ACTN1: variants seen among roughly 807,000 people sequenced by gnomAD.
The protein encoded by ACTN1 is alpha-actinin-1.
A neutral mutation model predicts 119.6 loss-of-function variants in ACTN1; 30 were observed. The observed-to-expected ratio is 0.25, with a 90% CI of 0.19 to 0.34. ACTN1 has a LOEUF of 0.34. Ranked by LOEUF, ACTN1 falls within the 10% of genes least tolerant of loss-of-function variation. ACTN1 has a pLI of 1.00. For missense variants in ACTN1, 764 were observed against 1,223.4 expected (o/e 0.62, Z 5.60); for synonymous variants, 429 against 472.6 (o/e 0.91, Z 1.20).
chr14:68,965,984 C>T (rs1018482223), intron 1 of ACTN1, among the ~76,000 whole-genome samples: 2 of 152,034 alleles, frequency 1.3e-5, no homozygotes, highest in African/African-American at 2.4e-5. Flanking sequence ...TTTGGGAGGC[C>T]GAGGCAGGAG....
chr14:68,939,119 A>T (rs772477642), intron 1 of ACTN1, among the ~76,000 whole-genome samples: 68 of 152,332 alleles, frequency 4.5e-4, no homozygotes, highest in Non-Finnish European at 8.8e-4. Flanking sequence ...AAGGCCCCCC[A>T]GAAGGCAGAC....
At chr14:68,913,223 A>G (rs2140307254) in intron 3 of ACTN1, among the ~76,000 whole-genome samples, 1 of 152,330 alleles carries the variant, frequency 6.6e-6, no homozygotes, top group African/African-American at 2.4e-5. Context: ...TACAACATAA[A>G]TAAGCCCTAT....
At position 68,925,832 on chromosome 14, in the gene ACTN1, G is replaced by C. The variant is rs1434662430; in HGVS notation, c.106-160C>G. ...TGGTCTCATTCACTGCATCAACCAA[G>C]CACTGAGCTACCCACAGGGCAGCAG... On this transcript the variant is annotated intron_variant, in intron 1 of 21. Coordinates refer to ENST00000394419, the MANE Select transcript of ACTN1 (RefSeq NM_001130004.2). The surrounding 1 kb of genome is among the most constrained non-coding windows in gnomAD (Gnocchi z 4.3). 6.6e-6 allele frequency among the ~76,000 whole-genome samples: 1 copy of C among 152,150 alleles called. No individual in the cohort carries two copies. Among genetic ancestry groups the C allele is most frequent in the Admixed American group, 6.5e-5 (1 of 15,274 alleles).
chr14:68,978,411 C>G (rs979798882), intron 1 of ACTN1: 17 of 350,450 alleles, frequency 4.9e-5, no homozygotes, highest in African/African-American at 3.5e-4. Flanking sequence ...CAGGCAGATC[C>G]GGAGGCGGCC....
intron 21 of ACTN1, 31 bp from the exon 22 acceptor site, chr14:68,875,048 A>G: frequency 3.1e-6 from 5 of 1,608,762 alleles, no homozygotes; most frequent in Admixed American, 1.7e-5. Flanking sequence ...GGAAGGCCGC[A>G]AAGTCCAGCA....
intron 1 of ACTN1, among the ~76,000 whole-genome samples, chr14:68,957,906 C>T (rs1350976406): frequency 6.6e-6 from 1 of 152,142 alleles, no homozygotes; most frequent in Non-Finnish European, 1.5e-5. Flanking sequence ...TATGATCGCT[C>T]GCACTTCCCT....
chr14:68,915,229 C>A (rs558446002), intron 3 of ACTN1, among the ~76,000 whole-genome samples: 8 of 152,096 alleles, frequency 5.3e-5, no homozygotes, highest in African/African-American at 1.9e-4. Flanking sequence ...GCCGCCTGGG[C>A]CTCTTGTTCC....
chr14:68,892,471 A>AC (rs962292963), intron 9 of ACTN1, among the ~76,000 whole-genome samples, 188 bp from the exon 10 acceptor site: 22 of 152,242 alleles, frequency 1.4e-4, no homozygotes, highest in African/African-American at 4.6e-4. Flanking sequence ...TCTGAGAACC[A>AC]CAGGCTTCGT....
At chr14:68,892,016 T>A (rs751599676) in intron 10 of ACTN1, 37 bp downstream of exon 10, 12 of 1,607,316 alleles carry the variant, frequency 7.5e-6, no homozygotes, top group Non-Finnish European at 1.0e-5. Flanking sequence ...GTGGAGGCAG[T>A]CCAGTCTGGG....
chr14:68,908,093 G>A (rs1315342546), intron 6 of ACTN1, among the ~76,000 whole-genome samples: 2 of 144,180 alleles, frequency 1.4e-5, no homozygotes, highest in South Asian at 4.4e-4. Context: ...CGAAGGGCTG[G>A]CCCCTGCTGT....
chr14:68,886,387 A>G (rs1243735127), intron 11 of ACTN1: 2 of 152,180 alleles, frequency 1.3e-5, no homozygotes, highest in Non-Finnish European at 2.9e-5. Flanking sequence ...GTAATATATA[A>G]AGCTTAGGAA....
intron 16 of ACTN1, 96 bp from the exon 17 acceptor site, chr14:68,881,085 A>C: frequency 8.1e-7 from 1 of 1,241,980 alleles, no homozygotes; most frequent in Non-Finnish European, 1.1e-6. Flanking sequence ...AAGCCCTCAA[A>C]TGATTCTCAG....
intron 4 of ACTN1, among the ~76,000 whole-genome samples, chr14:68,911,576 A>C (rs772476738): frequency 6.6e-6 from 1 of 152,270 alleles, no homozygotes; most frequent in Admixed American, 6.5e-5. Context: ...TATTTAAAAA[A>C]TAGTATCTCC....
rs1282629496 is a variant in ACTN1, at chr14:68,874,729, A to T, written c.*130T>A. 3.3e-6 allele frequency: 3 copies of T among 908,260 alleles called. No homozygotes were observed. Among genetic ancestry groups the T allele is most frequent in the Non-Finnish European group, 4.6e-6 (3 of 658,906 alleles). 56.3% of individuals were successfully genotyped at this position (908,260 alleles called of 1,614,324 possible). A position where few individuals can be genotyped will look rare whatever the true frequency, so the allele number is the denominator to read the frequency against. On this transcript the variant is annotated 3_prime_UTR_variant, in exon 22 of 22. Coordinates refer to ENST00000394419, the MANE Select transcript of ACTN1 (RefSeq NM_001130004.2). ...GTCACTTCGCGGGCAGGGAGGATCG[A>T]TGCCACGTGGGCCCCAGCTCACCCG...
Position 68,909,913 on chromosome 14 carries a change from G to A in ACTN1, c.515+42C>T. The stretch of plus-strand genomic sequence containing the variant: ...GGGGGTCTGGGAGCTCCCGGGGGAG[G>A]CAGCCTGGTTCTGTGAGAGCCCCTC... On this transcript the variant is annotated intron_variant, in intron 5 of 21. Coordinates refer to ENST00000394419, the MANE Select transcript of ACTN1 (RefSeq NM_001130004.2). This position sits in a 1 kb window ranked among gnomAD's most constrained non-coding sequence, Gnocchi z 4.1. 1 of 1,578,438 alleles carries A rather than the reference G, an allele frequency of 6.3e-7. No individual in the cohort carries two copies. Among genetic ancestry groups the A allele is most frequent in the South Asian group, 1.1e-5 (1 of 89,944 alleles).
At chr14:68,908,461 C>T (rs1049159706) in intron 6 of ACTN1, among the ~76,000 whole-genome samples, 2 of 152,152 alleles carry the variant, frequency 1.3e-5, no homozygotes, top group Admixed American at 6.5e-5. Flanking sequence ...CAAGTCCAGC[C>T]GCTCCTTGAA....
chr14:68,934,522 T>C (rs2035393239), intron 1 of ACTN1, among the ~76,000 whole-genome samples: 1 of 152,244 alleles, frequency 6.6e-6, no homozygotes, highest in Non-Finnish European at 1.5e-5. Context: ...GGGCAGGCGA[T>C]TGGTACAACT....
chr14:68,888,769 G>A (rs1042038993), intron 11 of ACTN1, among the ~76,000 whole-genome samples: 4 of 152,146 alleles, frequency 2.6e-5, no homozygotes, highest in Admixed American at 6.5e-5. Flanking sequence ...TGTGAACTGC[G>A]CATGCGAGGG....
At position 68,892,045 on chromosome 14, in the gene ACTN1, G is replaced by T. The variant is rs745553826; in HGVS notation, c.1086+8C>A. On this transcript the variant is annotated splice_region_variant and intron_variant, in intron 10 of 21. Coordinates refer to ENST00000394419, the MANE Select transcript of ACTN1 (RefSeq NM_001130004.2). ...GTCTGGGGGCCCAGGCTCACCCCCA[G>T]TGCTCACCGAGACCATCCTGCCCTC... The T allele has an allele frequency of 4.3e-6, 7 of 1,612,706 alleles. No individual in the cohort carries two copies. Among genetic ancestry groups the T allele is most frequent in the African/African-American group, 1.3e-5 (1 of 74,886 alleles).
Sources: gnomAD v4.1 joint callset for allele counts (sites outside exome capture counted in the v4.1 genomes callset) on GRCh38, gnomAD v4.1.1 for gene constraint, Gnocchi (gnomAD v3.1) non-coding constraint, MANE v1.5 for transcripts, NCBI Gene and HGNC (gene_info 2026-07-23, HGNC 2026-07-21) for gene names.